VPS13B: variants seen among roughly 807,000 people sequenced by gnomAD.
VPS13B encodes intermembrane lipid transfer protein VPS13B.
VPS13B carries 285 observed loss-of-function variants against 426.4 expected under a neutral mutation model. The ratio of observed to expected loss-of-function variants is 0.67; its 90% CI spans 0.61 to 0.74. VPS13B has a LOEUF of 0.74. VPS13B is among the 30% of genes least tolerant of loss of function. VPS13B has a pLI of 0.00. For synonymous variants in VPS13B, 1,676 were observed against 1,676.4 expected, an observed-to-expected ratio of 1.00 and a Z score of 0.01; for missense variants, 4,537 against 4,782.6, an observed-to-expected ratio of 0.95 and a Z score of 1.51.
chr8:99,431,691 G>T (rs369681904), intron 22 of VPS13B, 27 bp downstream of exon 22: 91 of 1,602,156 alleles, frequency 5.7e-5, no homozygotes, highest in Non-Finnish European at 7.3e-5. Context: ...AAATATTATG[G>T]ATATAATTTC....
intron 17 of VPS13B, among the ~76,000 whole-genome samples, chr8:99,219,744 A>G (rs1815596848): frequency 6.6e-6 from 1 of 152,188 alleles, no homozygotes; most frequent in South Asian, 2.1e-4. Flanking sequence ...CTCATGACCT[A>G]AACATCTCTT....
chr8:99,840,976 A>C (rs1160018646), intron 54 of VPS13B, among the ~76,000 whole-genome samples: 1 of 152,194 alleles, frequency 6.6e-6, no homozygotes, highest in Non-Finnish European at 1.5e-5. Flanking sequence ...GCAAGTTGGC[A>C]CTGACTTCTG....
chr8:99,330,163 CT>C (rs1810478029), intron 19 of VPS13B, among the ~76,000 whole-genome samples: 1 of 151,864 alleles, frequency 6.6e-6, no homozygotes, highest in East Asian at 1.9e-4. Flanking sequence ...GTTATTTGGA[CT>C]AGTTATTTTG....
At chr8:99,821,169 A>C in intron 49 of VPS13B, 125 bp from the exon 50 acceptor site, 2 of 571,696 alleles carry the variant, frequency 3.5e-6, no homozygotes, top group African/African-American at 2.4e-5. Context: ...CACACACACC[A>C]TGGAGGGATA....
intron 36 of VPS13B, among the ~76,000 whole-genome samples, chr8:99,701,941 A>G (rs909762662): frequency 5.3e-5 from 8 of 152,164 alleles, no homozygotes; most frequent in African/African-American, 1.9e-4. Context: ...AATTGTGATT[A>G]AGAGATTGCC....
At chr8:99,413,872 G>T (rs1275789545) in intron 21 of VPS13B, among the ~76,000 whole-genome samples, 1 of 152,182 alleles carries the variant, frequency 6.6e-6, no homozygotes, top group Non-Finnish European at 1.5e-5. Context: ...TAGAATAAGT[G>T]TGATGTGGTG....
At chr8:99,206,070 TAAATC>T (rs1040981630) in intron 17 of VPS13B, among the ~76,000 whole-genome samples, 1 of 152,204 alleles carries the variant, frequency 6.6e-6, no homozygotes, top group Non-Finnish European at 1.5e-5. Flanking sequence ...TGATGGCTCT[TAAATC>T]ATAGAAATTC....
chr8:99,306,061 G>T (rs1820621656), intron 19 of VPS13B, among the ~76,000 whole-genome samples: 1 of 152,038 alleles, frequency 6.6e-6, no homozygotes, highest in East Asian at 1.9e-4. Flanking sequence ...GCTTATGTTT[G>T]GCGCATTGGT....
Position 99,642,361 on chromosome 8 carries a change from T to C in VPS13B, c.5771T>C (p.Leu1924Ser). 6.2e-7 allele frequency: 1 copy of C among 1,614,148 alleles called. No individual in the cohort carries two copies. The highest frequency in any genetic ancestry group is 1.1e-5 in the South Asian group (1 of 91,076). The change falls in exon 34 of 62, where the codon TTA becomes TCA. Residue 1924 changes from leucine to serine, a missense_variant. Transcript: ENST00000357162. ...RQPGRRGTGDLQLEPFLYFIV... is the reference protein window; with the variant it reads ...RQPGRRGTGDSQLEPFLYFIV... ...CCTGGTCGAAGAGGAACTGGTGACT[T>C]ACAGCTAGAGCCTTTTCTGTACTTT...
Position 99,036,438 on chromosome 8 carries a change from T to C in VPS13B, c.148-1985T>C, listed in dbSNP as rs1326905901. Among the ~76,000 whole-genome samples, 4 of 152,340 alleles carry C rather than the reference T, an allele frequency of 2.6e-5. No individual in the cohort carries two copies. The South Asian group carries it at 8.3e-4, about 32-fold the overall frequency. ...AAGAATGAAAAGAAAATTCCTTTTT[T>C]GGTTATCTTAAGGAAGATCCATTTG... On this transcript the variant is annotated intron_variant, in intron 2 of 61. Coordinates refer to ENST00000357162, the MANE Select transcript of VPS13B (RefSeq NM_152564.5).
At chr8:99,409,346 A>G (rs756836139) in intron 21 of VPS13B, among the ~76,000 whole-genome samples, 5 of 152,092 alleles carry the variant, frequency 3.3e-5, no homozygotes, top group Admixed American at 1.3e-4. Context: ...TACAAATGGC[A>G]TAAAGGAATT....
At chr8:99,551,995 C>G (rs981168764) in intron 30 of VPS13B, among the ~76,000 whole-genome samples, 2 of 151,870 alleles carry the variant, frequency 1.3e-5, no homozygotes, top group Non-Finnish European at 2.9e-5. Flanking sequence ...CTCCCTCAAG[C>G]TTTAATTAAG....
intron 52 of VPS13B, among the ~76,000 whole-genome samples, chr8:99,834,825 C>T (rs1170605812): frequency 6.6e-6 from 1 of 152,178 alleles, no homozygotes; most frequent in Non-Finnish European, 1.5e-5. Context: ...TCCCAAAGTG[C>T]CGGGATTATA....
intron 15 of VPS13B, among the ~76,000 whole-genome samples, chr8:99,168,824 A>T (rs552215193): frequency 0.01 from 1,573 of 152,136 alleles, 15 homozygotes; most frequent in Admixed American, 0.052. Flanking sequence ...CCTTGATAGT[A>T]ATTACATAAG....
intron 30 of VPS13B, among the ~76,000 whole-genome samples, chr8:99,526,872 G>A (rs1822674359): frequency 6.6e-6 from 1 of 151,998 alleles, no homozygotes; most frequent in Non-Finnish European, 1.5e-5. Flanking sequence ...TGACTTATGA[G>A]GTCTTGTTTG....
rs1392078176 is a variant in VPS13B at position 99,809,365 on chromosome 8, T to C, written c.7942-10T>C. The C allele has an allele frequency of 1.4e-5, 23 of 1,613,810 alleles. No individual in the cohort carries two copies. Among genetic ancestry groups the C allele is most frequent in the Non-Finnish European group, 1.9e-5 (22 of 1,179,918 alleles). On this transcript the variant is annotated splice_polypyrimidine_tract_variant and intron_variant, in intron 43 of 61. Transcript: ENST00000357162. ...TTTGGCATTATGACGATTATTGTTT[T>C]TTTCTCCAGCTGTTACACATCTGTA...
chr8:99,684,502 G>T (rs572490629), intron 35 of VPS13B, among the ~76,000 whole-genome samples: 25 of 152,232 alleles, frequency 1.6e-4, no homozygotes, highest in Non-Finnish European at 2.5e-4. Context: ...CCACTTCTGG[G>T]CTTTGGGCTG....
chr8:99,593,817 A>G (rs1292233234), intron 33 of VPS13B, among the ~76,000 whole-genome samples: 2 of 152,140 alleles, frequency 1.3e-5, no homozygotes, highest in Non-Finnish European at 2.9e-5. Context: ...ATAGAAAACC[A>G]AACACCACAT....
At chr8:99,754,369 T>C (rs1315267412) in intron 39 of VPS13B, among the ~76,000 whole-genome samples, 1 of 152,224 alleles carries the variant, frequency 6.6e-6, no homozygotes, top group African/African-American at 2.4e-5. Context: ...TTTTGAGTGA[T>C]GAATATGTGT....
Sources: gnomAD v4.1 joint callset for allele counts (sites outside exome capture counted in the v4.1 genomes callset) on GRCh38, gnomAD v4.1.1 for gene constraint, MANE v1.5 for transcripts, NCBI Gene and HGNC (gene_info 2026-07-23, HGNC 2026-07-21) for gene names.